SERPINA12: variants seen among roughly 807,000 people sequenced by gnomAD.
The protein encoded by SERPINA12 is serpin family A member 12.
SERPINA12 carries 21 observed loss-of-function variants against 25.9 expected under a neutral mutation model. The observed-to-expected ratio is 0.81, with a 90% CI of 0.58 to 1.17. SERPINA12 has a LOEUF of 1.17. SERPINA12 is among the 50% of genes most tolerant of loss of function. SERPINA12 has a pLI of 0.00. For missense variants in SERPINA12, 562 were observed against 508.3 expected (o/e 1.11, Z -1.02); for synonymous variants, 220 against 196.0 (o/e 1.12, Z -1.02).
upstream of SERPINA12, among the ~76,000 whole-genome samples, chr14:94,513,954 G>T (rs1183564521): frequency 6.6e-6 from 1 of 152,166 alleles, no homozygotes; most frequent in East Asian, 1.9e-4. Flanking sequence ...GGACCTCACA[G>T]TCCGAGAAGG....
rs553658394 is a variant in SERPINA12, at chr14:94,509,432, G to T, written c.-124C>A. Among the ~76,000 whole-genome samples the T allele has an allele frequency of 4.6e-5, 7 of 151,788 alleles. No individual in the cohort carries two copies. Among genetic ancestry groups the T allele is most frequent in the African/African-American group, 1.7e-4 (7 of 41,294 alleles). On this transcript the variant is annotated 5_prime_UTR_variant, in exon 1 of 5. Transcript: ENST00000677451. ...ATCCCAGCCTCCTAGTCCTTTTTCG[G>T]TCCTGGTCCTGCAGCCTTCAGGTTC...
intron 2 of SERPINA12, 102 bp downstream of exon 2, chr14:94,497,662 A>G (rs1900493644): frequency 9.3e-7 from 1 of 1,070,560 alleles, no homozygotes; most frequent in African/African-American, 1.6e-5. Flanking sequence ...TAAATCACAT[A>G]TGAATTCAAG....
intron 1 of SERPINA12, among the ~76,000 whole-genome samples, chr14:94,516,368 C>A (rs1416437076): frequency 6.6e-6 from 1 of 152,270 alleles, no homozygotes. Flanking sequence ...CCAGAACCCA[C>A]ATCTGTCACT....
intron 1 of SERPINA12, chr14:94,501,190 G>T (rs2068117): frequency 1.0e-6 from 1 of 985,024 alleles, no homozygotes; most frequent in Non-Finnish European, 1.2e-6. Context: ...GTTTACAAAG[G>T]CTGCCTGGAT....
chr14:94,503,124 G>A, intron 1 of SERPINA12: 1 of 878,984 alleles, frequency 1.1e-6, no homozygotes, highest in Non-Finnish European at 1.4e-6. Context: ...GACTGATATT[G>A]CTTTAAGAAG....
At chr14:94,504,898 G>A in intron 1 of SERPINA12, among the ~76,000 whole-genome samples, 1 of 152,022 alleles carries the variant, frequency 6.6e-6, no homozygotes, top group East Asian at 1.9e-4. Context: ...TTTTTCAAAG[G>A]CTTAAAATAA....
chr14:94,488,299 G>T (rs541186522), intron 4 of SERPINA12, among the ~76,000 whole-genome samples: 2 of 152,170 alleles, frequency 1.3e-5, no homozygotes, highest in South Asian at 4.2e-4. Context: ...AGCGGGCTCA[G>T]CTTGGCAAGC....
intron 1 of SERPINA12, among the ~76,000 whole-genome samples, chr14:94,499,482 A>G (rs1414662849): frequency 6.6e-6 from 1 of 152,256 alleles, no homozygotes; most frequent in East Asian, 1.9e-4. Flanking sequence ...CTGGTTGGAC[A>G]TACTACTGTC....
chr14:94,489,584 G>A (rs1900064943), intron 4 of SERPINA12, 36 bp downstream of exon 4: 3 of 1,608,450 alleles, frequency 1.9e-6, no homozygotes, highest in East Asian at 2.2e-5. Flanking sequence ...AGGCCCCTGT[G>A]CTGCAGGGAG....
chr14:94,489,485 C>T, intron 4 of SERPINA12, 135 bp downstream of exon 4: 1 of 961,020 alleles, frequency 1.0e-6, no homozygotes, highest in Non-Finnish European at 1.5e-6. Context: ...TGGTAAGGGG[C>T]ACAGCTGCAT....
intron 3 of SERPINA12, among the ~76,000 whole-genome samples, chr14:94,493,360 T>C (rs1373904195): frequency 6.6e-6 from 1 of 152,234 alleles, no homozygotes; most frequent in Non-Finnish European, 1.5e-5. Context: ...TGTCTGTCAT[T>C]CCAAGGCCAG....
At chr14:94,509,859 T>G, upstream of SERPINA12, 1 of 475,648 alleles carries the variant, frequency 2.1e-6, no homozygotes, top group Non-Finnish European at 2.7e-6. Context: ...ATCCCTGTGA[T>G]CATCTTTGAG....
At chr14:94,495,015 C>T (rs1900336669) in intron 3 of SERPINA12, among the ~76,000 whole-genome samples, 1 of 151,936 alleles carries the variant, frequency 6.6e-6, no homozygotes, top group Non-Finnish European at 1.5e-5. Context: ...GCTCCTCCAT[C>T]CCAGTACCAT....
rs774149115 is a variant in SERPINA12 at position 94,487,282 on chromosome 14, G to A, written c.*21C>T. Reference sequence around the variant, plus strand: ...CAACCCCAAGCCATGTTCGGGGTCTGTGGCAAGCAGGAATTCTCCTTTATT... The same window carrying A: ...CAACCCCAAGCCATGTTCGGGGTCTATGGCAAGCAGGAATTCTCCTTTATT... On this transcript the variant is annotated 3_prime_UTR_variant, in exon 5 of 5. Coordinates refer to ENST00000677451, the MANE Select transcript of SERPINA12 (RefSeq NM_001382267.1). 1 of 1,601,496 alleles carries A rather than the reference G, an allele frequency of 6.2e-7. No homozygotes were observed. Among genetic ancestry groups the A allele is most frequent in the South Asian group, 1.1e-5 (1 of 89,316 alleles).
chr14:94,498,529 T>G, intron 1 of SERPINA12, 99 bp from the exon 2 acceptor site: 1 of 973,298 alleles, frequency 1.0e-6, no homozygotes, highest in Non-Finnish European at 1.5e-6. Context: ...TATTATGTGT[T>G]GTACATAGCA....
Position 94,493,558 on chromosome 14 carries a change from C to T in SERPINA12, c.905+2815G>A, listed in dbSNP as rs540791156. Among the ~76,000 whole-genome samples, 8 of 152,298 alleles carry T rather than the reference C, an allele frequency of 5.3e-5. No homozygotes were observed. The East Asian group carries it at 1.5e-3, about 29-fold the overall frequency. ...GAAGAGATGCTGAGAGCAGCCTACACTTGGACTTCACAAGACGCCACTGAG... is the reference window on the plus strand; with the variant it reads ...GAAGAGATGCTGAGAGCAGCCTACATTTGGACTTCACAAGACGCCACTGAG... On this transcript the variant is annotated intron_variant, in intron 3 of 4. Coordinates refer to ENST00000677451, the MANE Select transcript of SERPINA12 (RefSeq NM_001382267.1).
At position 94,487,393 on chromosome 14, in the gene SERPINA12, C is replaced by A. The variant is rs1360297598; in HGVS notation, c.1155G>T (p.Lys385Asn). 6.2e-7 allele frequency: 1 copy of A among 1,614,052 alleles called. No homozygotes were observed. Among genetic ancestry groups the A allele is most frequent in the Non-Finnish European group, 8.5e-7 (1 of 1,180,026 alleles). The change falls in exon 5 of 5, where the codon AAG (lysine) becomes AAT (asparagine). Residue 385 changes from lysine to asparagine, a missense_variant. Transcript: ENST00000677451. ...TCAGCAGCAGATAGGGTTTGTCTAT[C>A]TTGACGACGAGTGGTGTCTCCATGG... ...TLPMETPLVV[K>N]IDKPYLLLIY...
At chr14:94,511,737 A>G (rs1174154274), upstream of SERPINA12, 15 of 984,980 alleles carry the variant, frequency 1.5e-5, no homozygotes, top group East Asian at 1.1e-4. Context: ...TTGAATGTCT[A>G]TAATGTACCA....
intron 1 of SERPINA12, among the ~76,000 whole-genome samples, chr14:94,516,934 AT>A (rs1251983619): frequency 6.9e-6 from 1 of 144,098 alleles, no homozygotes; most frequent in Non-Finnish European, 1.5e-5. Flanking sequence ...GAAAAACTGC[AT>A]GTGTCACCGC....
Sources: allele counts gnomAD v4.1 joint callset (sites outside exome capture counted in the v4.1 genomes callset), GRCh38; gene constraint gnomAD v4.1.1; transcripts MANE v1.5; gene names NCBI Gene and HGNC (gene_info 2026-07-23, HGNC 2026-07-21).